Variants in GPM6A observed in about 807,000 individuals in gnomAD.
GPM6A encodes the protein glycoprotein M6A.
Under a neutral mutation model 32.1 loss-of-function variants are expected in GPM6A, and 7 were observed. The observed-to-expected ratio is 0.22, with a 90% CI of 0.12 to 0.41. GPM6A has a LOEUF of 0.41. Ranked by LOEUF, GPM6A falls within the 10% of genes least tolerant of loss-of-function variation. GPM6A has a pLI of 1.00. For missense variants in GPM6A, 235 were observed against 347.2 expected, an observed-to-expected ratio of 0.68 and a Z score of 2.57; for synonymous variants, 130 against 123.4, an observed-to-expected ratio of 1.05 and a Z score of -0.35.
chr4:175,952,218 T>C (rs1739838301), intron 1 of GPM6A, among the ~76,000 whole-genome samples: 1 of 152,250 alleles, frequency 6.6e-6, no homozygotes, highest in Admixed American at 6.5e-5. Context: ...TCTGTTTGAC[T>C]CTTGAGAGTC....
intron 1 of GPM6A, among the ~76,000 whole-genome samples, chr4:175,818,322 C>A (rs1372832024): frequency 6.6e-6 from 1 of 152,238 alleles, no homozygotes. Context: ...CAGATCTCAG[C>A]TGGAAAGTGT....
At chr4:175,701,468 G>T in intron 2 of GPM6A, 107 bp downstream of exon 2, 1 of 803,198 alleles carries the variant, frequency 1.2e-6, no homozygotes, top group Non-Finnish European at 2.1e-6. Flanking sequence ...TAAAAGTGCT[G>T]TTTCATATAT....
intron 3 of GPM6A, among the ~76,000 whole-genome samples, chr4:175,656,369 T>C (rs1742085649): frequency 6.6e-6 from 1 of 152,176 alleles, no homozygotes; most frequent in African/African-American, 2.4e-5. Context: ...CCTCCTACTA[T>C]ATTTCCTGCT....
intron 1 of GPM6A, among the ~76,000 whole-genome samples, chr4:175,710,152 C>A (rs1052550455): frequency 1.3e-5 from 2 of 151,826 alleles, no homozygotes; most frequent in East Asian, 3.9e-4. Flanking sequence ...TTCAAATAAG[C>A]TTTTTTTGGT....
chr4:175,985,585 A>G (rs1438349579), intron 1 of GPM6A, among the ~76,000 whole-genome samples: 1 of 152,200 alleles, frequency 6.6e-6, no homozygotes. Context: ...TTAGGAAAAC[A>G]AAGTCAGCGC....
At chr4:175,764,073 G>A (rs887070491) in intron 1 of GPM6A, among the ~76,000 whole-genome samples, 19 of 152,258 alleles carry the variant, frequency 1.2e-4, no homozygotes, top group African/African-American at 3.8e-4. Context: ...TATAATTGGT[G>A]CATTCATGAT....
chr4:175,943,988 C>T (rs972702328), intron 1 of GPM6A, among the ~76,000 whole-genome samples: 6 of 152,044 alleles, frequency 3.9e-5, no homozygotes, highest in Admixed American at 2.0e-4. Flanking sequence ...TGGTAGAATT[C>T]GGATATGAAT....
intron 1 of GPM6A, among the ~76,000 whole-genome samples, chr4:175,997,040 G>A (rs902108761): frequency 2.6e-5 from 4 of 151,938 alleles, no homozygotes; most frequent in Non-Finnish European, 4.4e-5. Context: ...AGGACAGCCC[G>A]AGATAAACTC....
At chr4:175,766,813 C>T (rs562420208) in intron 1 of GPM6A, among the ~76,000 whole-genome samples, 20 of 152,096 alleles carry the variant, frequency 1.3e-4, no homozygotes, top group African/African-American at 4.6e-4. Flanking sequence ...TGCCACCATG[C>T]CCGGCTAATT....
In GPM6A at chr4:175,645,096, T is replaced by G. The variant is rs867200393; in HGVS notation, c.542-4267A>C. ...GCCTGGGCGACAGAGTGAGATTGTCTCAAAAATAATAAAAATAATAAGCTG... is the reference window on the plus strand; with the variant it reads ...GCCTGGGCGACAGAGTGAGATTGTCGCAAAAATAATAAAAATAATAAGCTG... On this transcript the variant is annotated intron_variant, in intron 4 of 6. Transcript: ENST00000393658. 1.8e-4 allele frequency among the ~76,000 whole-genome samples: 28 copies of G among 152,026 alleles called. No homozygotes were observed. In the Middle Eastern group the frequency reaches 0.024, roughly 129 times the overall value.
At chr4:175,933,397 A>G (rs1180347113) in intron 1 of GPM6A, among the ~76,000 whole-genome samples, 2 of 152,330 alleles carry the variant, frequency 1.3e-5, no homozygotes, top group East Asian at 1.9e-4. Context: ...ACTGCTGTTG[A>G]GGATGTACAA....
intron 1 of GPM6A, among the ~76,000 whole-genome samples, chr4:175,758,011 G>T (rs969416537): frequency 6.6e-6 from 1 of 152,158 alleles, no homozygotes; most frequent in African/African-American, 2.4e-5. Flanking sequence ...CAAAGCAGAA[G>T]AATGGAGAAG....
chr4:175,934,988 G>A (rs1024452323), intron 1 of GPM6A, among the ~76,000 whole-genome samples: 4 of 152,118 alleles, frequency 2.6e-5, no homozygotes, highest in Admixed American at 2.6e-4. Context: ...CACAGAATTC[G>A]AAAGTTAATA....
intron 1 of GPM6A, among the ~76,000 whole-genome samples, chr4:175,901,816 T>C (rs1737977672): frequency 6.6e-6 from 1 of 151,698 alleles, no homozygotes; most frequent in South Asian, 2.1e-4. Context: ...TTAGTAGAGA[T>C]GAGCTTTCAC....
chr4:175,850,051 T>C (rs147070071), intron 1 of GPM6A, among the ~76,000 whole-genome samples: 1 of 152,262 alleles, frequency 6.6e-6, no homozygotes, highest in East Asian at 1.9e-4. Context: ...CATGTGCTTC[T>C]ATAAAAAATA....
chr4:175,988,244 A>T (rs1420534832), intron 1 of GPM6A, among the ~76,000 whole-genome samples: 1 of 152,178 alleles, frequency 6.6e-6, no homozygotes, highest in African/African-American at 2.4e-5. Flanking sequence ...TTAGTAACCT[A>T]AGCAATGGCA....
At chr4:175,826,518 G>A (rs80173428) in intron 1 of GPM6A, among the ~76,000 whole-genome samples, 2,524 of 152,172 alleles carry the variant, frequency 0.017, 25 homozygotes, top group Non-Finnish European at 0.028. Flanking sequence ...TTTTGATTCC[G>A]TTCACTAAAG....
intron 1 of GPM6A, among the ~76,000 whole-genome samples, chr4:175,710,738 G>T (rs1487349343): frequency 6.6e-6 from 1 of 152,136 alleles, no homozygotes; most frequent in Non-Finnish European, 1.5e-5. Flanking sequence ...AGGTATAAAA[G>T]ATGTAAATTT....
chr4:175,945,239 T>C (rs1179196717), intron 1 of GPM6A, among the ~76,000 whole-genome samples: 1 of 152,160 alleles, frequency 6.6e-6, no homozygotes, highest in Non-Finnish European at 1.5e-5. Context: ...TGTACAGATA[T>C]AAGAAACTGC....
Sources: allele counts gnomAD v4.1 joint callset (sites outside exome capture counted in the v4.1 genomes callset), GRCh38; gene constraint gnomAD v4.1.1; transcripts MANE v1.5; gene names NCBI Gene and HGNC (gene_info 2026-07-23, HGNC 2026-07-21).